SLC22A17: variants seen among roughly 807,000 people sequenced by gnomAD.
The protein encoded by SLC22A17 is 24p3 receptor.
A neutral mutation model predicts 53.6 loss-of-function variants in SLC22A17; 38 were observed. The observed-to-expected ratio is 0.71, with a 90% confidence interval of 0.55 to 0.93. The LOEUF is 0.93. SLC22A17 is among the 40% of genes least tolerant of loss of function. SLC22A17 has a pLI of 0.00. For missense variants in SLC22A17, 704 were observed against 791.0 expected, an observed-to-expected ratio of 0.89 and a Z score of 1.32; for synonymous variants, 379 against 353.0, an observed-to-expected ratio of 1.07 and a Z score of -0.82.
In SLC22A17 at chr14:23,352,419, C is replaced by G. The variant is rs1595016193; in HGVS notation, c.129G>C (p.Thr43=). The G allele has an allele frequency of 2.0e-6, 1 of 500,428 alleles. No individual in the cohort carries two copies. The highest frequency in any genetic ancestry group is 3.4e-6 in the Non-Finnish European group (1 of 296,548). The allele number at this position is 500,428 out of a possible 1,614,324, so 31.0% of individuals were successfully genotyped here. The change falls in exon 2 of 10, where the codon ACG becomes ACC. Residue 43 remains threonine, a synonymous_variant. Coordinates refer to ENST00000397267, the Ensembl canonical transcript of SLC22A17. The surrounding 1 kb of genome is among the most constrained non-coding windows in gnomAD (Gnocchi z 7.2). The stretch of plus-strand genomic sequence containing the variant: ...GCTCCCGCTCACCCTGCAGCTGCTC[C>G]GTGGGCACCGCATCTCCGAGGGTCC...
Position 23,352,482 on chromosome 14 carries a change from G to A in SLC22A17, c.97-31C>T, listed in dbSNP as rs1277702678. 1.6e-5 allele frequency: 7 copies of A among 435,454 alleles called. No homozygotes were observed. The highest frequency in any genetic ancestry group is 2.0e-5 in the Non-Finnish European group (5 of 250,264). 27.0% of individuals were successfully genotyped at this position (435,454 alleles called of 1,614,324 possible). A position where few individuals can be genotyped will look rare whatever the true frequency, so the allele number is the denominator to read the frequency against. On this transcript the variant is annotated intron_variant, in intron 1 of 9. Transcript: ENST00000397267. This position sits in a 1 kb window ranked among gnomAD's most constrained non-coding sequence, Gnocchi z 7.2. ...GGGGGGCAGGGGGTGGCAGGAGAAG[G>A]GTGAAGCGGAGGAAACCGCAGAGCA...
intron 3 of SLC22A17, 55 bp from the exon 4 acceptor site, chr14:23,349,481 G>A: frequency 6.4e-7 from 1 of 1,567,096 alleles, no homozygotes; most frequent in Non-Finnish European, 8.7e-7. Context: ...TGGGAAAGTT[G>A]CTGGGTAAGA....
In SLC22A17 at chr14:23,348,231, C is replaced by T. The variant is rs1228015657; in HGVS notation, c.1101G>A (p.Leu367=). ...GCCGGTTTCGCTCAGCCAGGATCCT[C>T]AGCACAGACTGAGCCTCCTCAATCT... Residue 367 remains leucine, a synonymous_variant, in exon 6 of 10, where the codon CTG becomes CTA. Transcript: ENST00000397267. The surrounding 1 kb of genome is among the most constrained non-coding windows in gnomAD (Gnocchi z 4.5). 6.2e-7 allele frequency: 1 copy of T among 1,614,156 alleles called. No homozygotes were observed. The highest frequency in any genetic ancestry group is 8.5e-7 in the Non-Finnish European group (1 of 1,180,018).
chr14:23,346,601 C>T, exon 10 of SLC22A17: 2 of 1,436,050 alleles, frequency 1.4e-6, no homozygotes, highest in Non-Finnish European at 1.8e-6. Context: ...ATCTTCTTGC[C>T]ACCTTTCTGT....
At position 23,352,733 on chromosome 14, in the gene SLC22A17, G is replaced by T. The variant is rs1889722574; in HGVS notation, c.9C>A (p.Pro3=). 1.0e-5 allele frequency: 4 copies of T among 399,104 alleles called. No homozygotes were observed. Among genetic ancestry groups the T allele is most frequent in the Non-Finnish European group, 1.8e-5 (4 of 226,338 alleles). 24.7% of individuals were successfully genotyped at this position (399,104 alleles called of 1,614,324 possible). A position where few individuals can be genotyped will look rare whatever the true frequency, so the allele number is the denominator to read the frequency against. The change falls in exon 1 of 10, where the codon CCC becomes CCA. Residue 3 remains proline, a synonymous_variant. Transcript: ENST00000397267. The surrounding 1 kb of genome is among the most constrained non-coding windows in gnomAD (Gnocchi z 7.2). ...GCTCGGGGGTCCCGGTGGCCACCCG[G>T]GGAGCCAGCTTGCCGACCGCAGGGG...
Position 23,348,998 on chromosome 14 carries a change from C to A in SLC22A17, c.859+274G>T. 1.7e-6 allele frequency: 1 copy of A among 596,452 alleles called. No individual in the cohort carries two copies. Among genetic ancestry groups the A allele is most frequent in the Non-Finnish European group, 3.0e-6 (1 of 335,528 alleles). 36.9% of individuals were successfully genotyped at this position (596,452 alleles called of 1,614,324 possible). A position where few individuals can be genotyped will look rare whatever the true frequency, so the allele number is the denominator to read the frequency against. ...TTGTCCAAGGTCACACAGCTAGGGACAATCCTTGTCCCTGGACTTACTGCT... is the reference window on the plus strand; with the variant it reads ...TTGTCCAAGGTCACACAGCTAGGGAAAATCCTTGTCCCTGGACTTACTGCT... On this transcript the variant is annotated intron_variant, in intron 4 of 9. Transcript: ENST00000397267. This position sits in a 1 kb window ranked among gnomAD's most constrained non-coding sequence, Gnocchi z 4.5.
In SLC22A17 at chr14:23,347,078, C is replaced by G; in HGVS notation, c.1661+23G>C. ...GGAGGCGAGGGGGCCCGGCTCTGCC[C>G]CTGGGGGCACCCCTGCTCTCACCGG... On this transcript the variant is annotated intron_variant, in intron 9 of 9. Transcript: ENST00000397267. This position sits in a 1 kb window ranked among gnomAD's most constrained non-coding sequence, Gnocchi z 5.1. The G allele has an allele frequency of 6.2e-7, 1 of 1,600,224 alleles. No homozygotes were observed. Among genetic ancestry groups the G allele is most frequent in the Non-Finnish European group, 8.5e-7 (1 of 1,172,978 alleles).
chr14:23,347,511 C>T lies in SLC22A17; in HGVS notation c.1498G>A (p.Glu500Lys). Residue 500 changes from glutamate to lysine, a missense_variant, in exon 8 of 10, where the codon GAG (glutamate) becomes AAG (lysine). This residue lies in a region of SLC22A17 where 435 missense variants were observed against 529.0 expected (regional missense o/e 0.82). Transcript: ENST00000397267. The surrounding 1 kb of genome is among the most constrained non-coding windows in gnomAD (Gnocchi z 5.1). ...CACACTGTGGGGAAGATAGGATGCT[C>T]ACAATCCCACAGGCCCAGCAGGACC... is the stretch of plus-strand genomic sequence containing the variant. 1 of 1,614,070 alleles carries T rather than the reference C, an allele frequency of 6.2e-7. No homozygotes were observed. Among genetic ancestry groups the T allele is most frequent in the Non-Finnish European group, 8.5e-7 (1 of 1,179,984 alleles).
In SLC22A17 at chr14:23,347,745, T is replaced by C. The variant is rs1423639070; in HGVS notation, c.1278-14A>G. The C allele has an allele frequency of 1.2e-6, 2 of 1,611,378 alleles. No homozygotes were observed. The highest frequency in any genetic ancestry group is 2.2e-5 in the East Asian group (1 of 44,778). On this transcript the variant is annotated splice_polypyrimidine_tract_variant and intron_variant, in intron 7 of 9. Transcript: ENST00000397267. This position sits in a 1 kb window ranked among gnomAD's most constrained non-coding sequence, Gnocchi z 5.1. Reference sequence around the variant, plus strand: ...TGGGCAATGAAGCTGTGAGAAGGGGTGGGGAAGCAACGAACAGAGCCTGAA... The same window carrying C: ...TGGGCAATGAAGCTGTGAGAAGGGGCGGGGAAGCAACGAACAGAGCCTGAA...
At position 23,347,424 on chromosome 14, in the gene SLC22A17, T is replaced by C. The variant is rs1889288824; in HGVS notation, c.1549+36A>G. The C allele has an allele frequency of 1.2e-6, 2 of 1,601,336 alleles. No homozygotes were observed. The highest frequency in any genetic ancestry group is 1.1e-5 in the South Asian group (1 of 89,018). ...GGTCTGGGGCTTGTCTTGGGAGGCC[T>C]GTGCCAGAAGAAATGGCTGTGCCTG... is the stretch of plus-strand genomic sequence containing the variant. On this transcript the variant is annotated intron_variant, in intron 8 of 9. Coordinates refer to ENST00000397267, the Ensembl canonical transcript of SLC22A17. This position sits in a 1 kb window ranked among gnomAD's most constrained non-coding sequence, Gnocchi z 5.1.
chr14:23,348,178 G>A lies in SLC22A17; in HGVS notation c.1154C>T (p.Ala385Val). 1 of 1,614,040 alleles carries A rather than the reference G, an allele frequency of 6.2e-7. No individual in the cohort carries two copies. Among genetic ancestry groups the A allele is most frequent in the Non-Finnish European group, 8.5e-7 (1 of 1,179,966 alleles). Residue 385 changes from alanine (A) to valine (V), a missense_variant, in exon 6 of 10, where the codon GCC becomes GTC. By Grantham distance (64) the Ala-to-Val change is moderately conservative. Transcript: ENST00000397267. The surrounding 1 kb of genome is among the most constrained non-coding windows in gnomAD (Gnocchi z 4.5). ...TCTCTTACCCTGCAGGGCCTCCTGG[G>A]CCTCCTCCCCCAGCATCTGCCCATG...
intron 9 of SLC22A17, 64 bp from the exon 10 acceptor site, chr14:23,347,000 G>GC: frequency 6.7e-7 from 1 of 1,496,692 alleles, no homozygotes; most frequent in Non-Finnish European, 8.9e-7. Flanking sequence ...TTCTCCCGCA[G>GC]CCCCCCTCCT....
rs1455466875 is a variant in SLC22A17 at position 23,347,592 on chromosome 14, A to G, written c.1417T>C (p.Phe473Leu). 2 of 1,613,974 alleles carry G rather than the reference A, an allele frequency of 1.2e-6. No homozygotes were observed. The highest frequency in any genetic ancestry group is 1.7e-6 in the Non-Finnish European group (2 of 1,179,976). The change falls in exon 8 of 10, where the codon TTT becomes CTT. Residue 473 changes from phenylalanine to leucine, a missense_variant. Transcript: ENST00000397267. The surrounding 1 kb of genome is among the most constrained non-coding windows in gnomAD (Gnocchi z 5.1). ...AGAAGAAGGATGCCCCGGCGGCCAA[A>G]TCGGTCCACGGTGACCCCCAGGAAG...
At position 23,352,775 on chromosome 14, in the gene SLC22A17, C is replaced by A. The variant is rs1889727129; in HGVS notation, c.-34G>T. 5.0e-6 allele frequency: 2 copies of A among 398,780 alleles called. No individual in the cohort carries two copies. The highest frequency in any genetic ancestry group is 2.5e-4 in the South Asian group (2 of 7,862). The allele number at this position is 398,780 out of a possible 1,614,324, so 24.7% of individuals were successfully genotyped here. A position where few individuals can be genotyped will look rare whatever the true frequency, so the allele number is the denominator to read the frequency against. On this transcript the variant is annotated 5_prime_UTR_variant, in exon 1 of 10. Coordinates refer to ENST00000397267, the Ensembl canonical transcript of SLC22A17. This position sits in a 1 kb window ranked among gnomAD's most constrained non-coding sequence, Gnocchi z 7.2. ...CCGCAGGGGCCCTGCCGGCCCGCGC[C>A]GAAAGGATGCGCTGTCCTCTGGCTC...
At chr14:23,349,221 G>A in intron 4 of SLC22A17, 51 bp downstream of exon 4, 2 of 1,612,352 alleles carry the variant, frequency 1.2e-6, no homozygotes, top group Non-Finnish European at 1.7e-6. Context: ...GGCGATGCAG[G>A]CAGGTAGGCA....
chr14:23,351,568 T>C (rs545902260), intron 3 of SLC22A17, 184 bp downstream of exon 3: 281 of 582,414 alleles, frequency 4.8e-4, no homozygotes, highest in Non-Finnish European at 6.5e-4. Flanking sequence ...GCGGAAGAGG[T>C]AGGGAAGGGG....
At position 23,346,743 on chromosome 14, in the gene SLC22A17, C is replaced by G. The variant is rs751922756; in HGVS notation, c.1855G>C (p.Gly619Arg). 1.2e-5 allele frequency: 19 copies of G among 1,544,608 alleles called. No homozygotes were observed. In the South Asian group the frequency reaches 2.1e-4, roughly 17 times the overall value. Residue 619 changes from glycine to arginine, a missense_variant, in exon 10 of 10, where the codon GGG becomes CGG. By Grantham distance (125) the Gly-to-Arg change is moderately radical (BLOSUM62 -2). Around this residue, in one of 4 missense-constraint regions of SLC22A17, gnomAD observed 196 missense variants for 171.5 expected, o/e 1.14. Transcript: ENST00000397267. The stretch of plus-strand genomic sequence containing the variant: ...AGGGAAGGCCGGCGACACAGCTCCC[C>G]GTCCCGGAGCACCTCGGGCAGGAGC...
rs372265182 is a variant in SLC22A17, at chr14:23,352,010, G to C, written c.538C>G (p.His180Asp). The stretch of plus-strand genomic sequence containing the variant: ...TTATAGTCCCAATCCTTGAGGCAAT[G>C]GTTGAAGTCCGGCGGGGCGAAGCCG... Residue 180 changes from histidine (H) to aspartate (D), a missense_variant, in exon 2 of 10, where the codon CAT (histidine) becomes GAT (aspartate). This residue lies in a region of SLC22A17 where 435 missense variants were observed against 529.0 expected (regional missense o/e 0.82). Coordinates refer to ENST00000397267, the Ensembl canonical transcript of SLC22A17. This position sits in a 1 kb window ranked among gnomAD's most constrained non-coding sequence, Gnocchi z 7.2. The C allele has an allele frequency of 3.2e-5, 52 of 1,612,010 alleles. No homozygotes were observed. The highest frequency in any genetic ancestry group is 4.4e-5 in the Non-Finnish European group (52 of 1,179,134).
chr14:23,350,065 G>A (rs1050846661), intron 3 of SLC22A17, among the ~76,000 whole-genome samples: 10 of 152,166 alleles, frequency 6.6e-5, no homozygotes, highest in Non-Finnish European at 1.3e-4. Context: ...CAGCACTTTG[G>A]GAGGCCGAGG....
Sources: gnomAD v4.1 joint callset for allele counts (sites outside exome capture counted in the v4.1 genomes callset) on GRCh38, gnomAD v4.1.1 for gene constraint, gnomAD v4.1.1 regional missense constraint, Gnocchi (gnomAD v3.1) non-coding constraint, MANE v1.5 for transcripts, NCBI Gene and HGNC (gene_info 2026-07-23, HGNC 2026-07-21) for gene names.